The following YIPF4 variants were observed in gnomAD, a reference collection of about 807,000 sequenced individuals.
YIPF4 encodes protein YIPF4.
YIPF4 carries 18 observed loss-of-function variants against 29.4 expected under a neutral mutation model. The ratio of observed to expected loss-of-function variants is 0.61; its 90% confidence interval spans 0.42 to 0.91. YIPF4 has a LOEUF of 0.91. Among genes scored for constraint, YIPF4 ranks in the 40% least tolerant of loss-of-function variants. The pLI, the probability that YIPF4 is intolerant of heterozygous loss-of-function variation, is 0.00. For synonymous variants in YIPF4, 115 were observed against 104.7 expected, an observed-to-expected ratio of 1.10 and a Z score of -0.60; for missense variants, 279 against 282.7, an observed-to-expected ratio of 0.99 and a Z score of 0.09.
In YIPF4 at chr2:32,293,279, A is replaced by G. The variant is rs547999548; in HGVS notation, c.405+931A>G. 1.2e-3 allele frequency among the ~76,000 whole-genome samples: 175 copies of G among 152,036 alleles called. 2 individuals are homozygous for G. The highest frequency in any genetic ancestry group is 0.011 in the Admixed American group (174 of 15,234). ...TGTCCCTGGGTACTTGAGATTAGGGAGTGGTGATGACTCTTAACGAGCATG... is the reference window on the plus strand; with the variant it reads ...TGTCCCTGGGTACTTGAGATTAGGGGGTGGTGATGACTCTTAACGAGCATG... On this transcript the variant is annotated intron_variant, in intron 3 of 5. Coordinates refer to ENST00000238831, the MANE Select transcript of YIPF4 (RefSeq NM_032312.4).
In YIPF4 at chr2:32,310,840, C is replaced by A. The variant is rs950477646; in HGVS notation, c.*5214C>A. 1 of 152,086 alleles carries A rather than the reference C, an allele frequency of 6.6e-6. No individual in the cohort carries two copies. The highest frequency in any genetic ancestry group is 2.4e-5 in the African/African-American group (1 of 41,370). 9.4% of individuals were successfully genotyped at this position (152,086 alleles called of 1,614,324 possible). A position where few individuals can be genotyped will look rare whatever the true frequency, so the allele number is the denominator to read the frequency against. ...GCAGTGAGCCGCGATCACACCACTG[C>A]ATGCCAGCCTGGGCGACAGAGTGAG... On this transcript the variant is annotated 3_prime_UTR_variant, in exon 6 of 6. Transcript: ENST00000238831.
At chr2:32,284,560 C>G (rs2030572715) in intron 1 of YIPF4, among the ~76,000 whole-genome samples, 1 of 152,174 alleles carries the variant, frequency 6.6e-6, no homozygotes, top group South Asian at 2.1e-4. Flanking sequence ...CTGCCTGCTT[C>G]CCCTTTGCAA....
intron 1 of YIPF4, among the ~76,000 whole-genome samples, chr2:32,283,091 AAG>A (rs1418728132): frequency 6.6e-6 from 1 of 151,974 alleles, no homozygotes; most frequent in Non-Finnish European, 1.5e-5. Context: ...AAAAAAAAAA[AAG>A]GAATACCCAA....
At chr2:32,285,361 T>G (rs1412806934) in intron 1 of YIPF4, among the ~76,000 whole-genome samples, 2 of 152,196 alleles carry the variant, frequency 1.3e-5, no homozygotes, top group Non-Finnish European at 2.9e-5. Flanking sequence ...AAGGAAATGT[T>G]GACAATAGGT....
At chr2:32,300,918 G>C (rs1558481155) in intron 4 of YIPF4, among the ~76,000 whole-genome samples, 1 of 152,210 alleles carries the variant, frequency 6.6e-6, no homozygotes, top group Non-Finnish European at 1.5e-5. Context: ...TTGGCATAAA[G>C]TAGTCACTAA....
intron 3 of YIPF4, among the ~76,000 whole-genome samples, chr2:32,294,886 G>C (rs1198830260): frequency 6.6e-6 from 1 of 152,216 alleles, no homozygotes; most frequent in Non-Finnish European, 1.5e-5. Context: ...CCAACACAGC[G>C]AAACCCCGTC....
At chr2:32,280,845 A>G (rs1196020104) in intron 1 of YIPF4, among the ~76,000 whole-genome samples, 1 of 152,158 alleles carries the variant, frequency 6.6e-6, no homozygotes, top group Non-Finnish European at 1.5e-5. Context: ...TTTCATCTAC[A>G]TTTGGTAGCA....
At position 32,314,203 on chromosome 2, in the gene YIPF4, AAAAT is replaced by A. The variant is rs564691335; in HGVS notation, c.*8582_*8585del. ...CACAATGGAATCTTATGCAGCAATG[AAAAT>A]AAATGAACTAAAGCCGCATACAAAA... On this transcript the variant is annotated 3_prime_UTR_variant, in exon 6 of 6. Transcript: ENST00000238831. The A allele has an allele frequency of 1.3e-5, 2 of 152,376 alleles. No individual in the cohort carries two copies. Among genetic ancestry groups the A allele is most frequent in the South Asian group, 4.1e-4 (2 of 4,830 alleles). The allele number at this position is 152,376 out of a possible 1,614,324, so 9.4% of individuals were successfully genotyped here.
At chr2:32,285,625 G>A (rs1019743721) in intron 1 of YIPF4, among the ~76,000 whole-genome samples, 3 of 150,080 alleles carry the variant, frequency 2.0e-5, no homozygotes, top group Non-Finnish European at 4.4e-5. Flanking sequence ...ATACAAGTTA[G>A]TAATGTAGAC....
chr2:32,278,078 G>C lies in YIPF4; in HGVS notation c.-78G>C, dbSNP rs2030177797. The C allele has an allele frequency of 7.6e-7, 1 of 1,319,830 alleles. No homozygotes were observed. Among genetic ancestry groups the C allele is most frequent in the Non-Finnish European group, 1.0e-6 (1 of 970,084 alleles). The allele number at this position is 1,319,830 out of a possible 1,614,324, so 81.8% of individuals were successfully genotyped here. ...GGCCGCACCGTAGGGCGAGCGTGCG[G>C]GTCGCCGCCGCGGCCGCCTCGGGGT... On this transcript the variant is annotated 5_prime_UTR_variant, in exon 1 of 6. Transcript: ENST00000238831.
intron 1 of YIPF4, among the ~76,000 whole-genome samples, chr2:32,282,413 G>A (rs914244438): frequency 6.6e-6 from 1 of 152,144 alleles, no homozygotes; most frequent in Non-Finnish European, 1.5e-5. Flanking sequence ...ATGTGATCTT[G>A]GGCAAGCTAC....
chr2:32,305,298 A>G (rs2031537465), intron 5 of YIPF4, among the ~76,000 whole-genome samples, 191 bp from the exon 6 acceptor site: 1 of 152,232 alleles, frequency 6.6e-6, no homozygotes, highest in South Asian at 2.1e-4. Context: ...CCACATTTAC[A>G]GAAGTCAAGG....
chr2:32,300,366 G>A (rs1455355673), intron 4 of YIPF4, among the ~76,000 whole-genome samples: 1 of 151,842 alleles, frequency 6.6e-6, no homozygotes, highest in Non-Finnish European at 1.5e-5. Context: ...CCCGGGAGGC[G>A]GAGGTTGCGG....
At chr2:32,298,746 A>G (rs963862843) in intron 4 of YIPF4, among the ~76,000 whole-genome samples, 2 of 151,948 alleles carry the variant, frequency 1.3e-5, no homozygotes, top group African/African-American at 4.8e-5. Flanking sequence ...TTTAGTAGAG[A>G]CAGGGTTTCA....
intron 1 of YIPF4, among the ~76,000 whole-genome samples, chr2:32,287,818 A>AT (rs1207686193): frequency 1.3e-5 from 2 of 152,326 alleles, no homozygotes; most frequent in African/African-American, 2.4e-5. Context: ...TTTACAATAG[A>AT]TTTTTTAAAA....
At chr2:32,293,788 G>A (rs1272867035) in intron 3 of YIPF4, among the ~76,000 whole-genome samples, 94 of 148,078 alleles carry the variant, frequency 6.3e-4, no homozygotes, top group Non-Finnish European at 5.6e-4. Context: ...CAGTAGGGGC[G>A]GCTGGGCAGA....
chr2:32,308,795 G>T lies in YIPF4; in HGVS notation c.*3169G>T, dbSNP rs889422955. ...GCGGTGGCTCACGCCTGTAATCCCA[G>T]CACTTTGGGAGGCCGAGGCGGGTGG... On this transcript the variant is annotated 3_prime_UTR_variant, in exon 6 of 6. Coordinates refer to ENST00000238831, the MANE Select transcript of YIPF4 (RefSeq NM_032312.4). 1 of 152,408 alleles carries T rather than the reference G, an allele frequency of 6.6e-6. No homozygotes were observed. The highest frequency in any genetic ancestry group is 1.5e-5 in the Non-Finnish European group (1 of 68,302). The allele number at this position is 152,408 out of a possible 1,614,324, so 9.4% of individuals were successfully genotyped here.
intron 1 of YIPF4, among the ~76,000 whole-genome samples, chr2:32,288,810 A>C (rs2030791032): frequency 6.6e-6 from 1 of 152,032 alleles, no homozygotes; most frequent in Non-Finnish European, 1.5e-5. Context: ...AAATAAATAA[A>C]TAAATAAAAA....
intron 3 of YIPF4, among the ~76,000 whole-genome samples, chr2:32,297,738 T>G: frequency 6.6e-6 from 1 of 152,292 alleles, no homozygotes; most frequent in Non-Finnish European, 1.5e-5. Flanking sequence ...ACTGGGGTAT[T>G]ATTTCTAGAC....
Sources: allele counts gnomAD v4.1 joint callset (sites outside exome capture counted in the v4.1 genomes callset), GRCh38; gene constraint gnomAD v4.1.1; transcripts MANE v1.5; gene names NCBI Gene and HGNC (gene_info 2026-07-23, HGNC 2026-07-21).